The following RAD52 variants were observed in gnomAD, a reference collection of about 807,000 sequenced individuals.
RAD52 encodes the protein RAD52 DNA repair protein, also known as DNA repair protein RAD52 homolog.
RAD52 carries 47 observed loss-of-function variants against 55.5 expected under a neutral mutation model. The ratio of observed to expected loss-of-function variants is 0.85; its 90% CI spans 0.67 to 1.08. The LOEUF is 1.08. Ranked by LOEUF, RAD52 falls within the 50% of genes least tolerant of loss-of-function variation. RAD52 has a pLI of 0.00. For missense variants in RAD52, 468 were observed against 522.8 expected, an observed-to-expected ratio of 0.90 and a Z score of 1.02; for synonymous variants, 184 against 198.9, an observed-to-expected ratio of 0.92 and a Z score of 0.63.
chr12:940,939 A>G (rs1456921987), intron 1 of RAD52, among the ~76,000 whole-genome samples: 2 of 152,172 alleles, frequency 1.3e-5, no homozygotes, highest in Non-Finnish European at 2.9e-5. Context: ...ATACAATTGA[A>G]GTGAAATTGA....
At chr12:931,765 G>A (rs754923710) in intron 2 of RAD52, among the ~76,000 whole-genome samples, 4 of 152,280 alleles carry the variant, frequency 2.6e-5, no homozygotes, top group East Asian at 1.9e-4. Context: ...TGTAAATGAC[G>A]TCAGCACAGG....
chr12:933,383 A>C (rs1957443156), intron 1 of RAD52, among the ~76,000 whole-genome samples: 1 of 151,546 alleles, frequency 6.6e-6, no homozygotes, highest in South Asian at 2.1e-4. Flanking sequence ...GCTTGAACCC[A>C]GGAGGCGGAG....
At chr12:965,257 G>A (rs1271479572) in intron 1 of RAD52, among the ~76,000 whole-genome samples, 6 of 151,992 alleles carry the variant, frequency 3.9e-5, no homozygotes, top group East Asian at 1.9e-4. Context: ...GATTACAGGC[G>A]TGAGCCACTG....
In RAD52 at chr12:912,929, A is replaced by G; in HGVS notation, c.*462T>C. The G allele has an allele frequency of 5.0e-6, 1 of 200,228 alleles. No homozygotes were observed. Among genetic ancestry groups the G allele is most frequent in the Non-Finnish European group, 1.0e-5 (1 of 97,292 alleles). The allele number at this position is 200,228 out of a possible 1,614,324, so 12.4% of individuals were successfully genotyped here. A position where few individuals can be genotyped will look rare whatever the true frequency, so the allele number is the denominator to read the frequency against. ...CTGCTCCAACCTTTTTCCTGTCGTG[A>G]TCCACAGTGCTTAATGTGGGCAACA... On this transcript the variant is annotated 3_prime_UTR_variant, in exon 12 of 12. Coordinates refer to ENST00000358495, the MANE Select transcript of RAD52 (RefSeq NM_134424.4).
Position 929,653 on chromosome 12 carries a change from G to T in RAD52, c.348+166C>A, listed in dbSNP as rs747918253. 46 of 795,982 alleles carry T rather than the reference G, an allele frequency of 5.8e-5. 1 individual carries two copies. Among genetic ancestry groups the T allele is most frequent in the South Asian group, 5.7e-4 (42 of 74,216 alleles). The allele number at this position is 795,982 out of a possible 1,614,324, so 49.3% of individuals were successfully genotyped here. A position where few individuals can be genotyped will look rare whatever the true frequency, so the allele number is the denominator to read the frequency against. The stretch of plus-strand genomic sequence containing the variant: ...AGAGAACAGTTTTTCCATTCTTTTA[G>T]GGAGCACATGAGCAAGAGTATTTGA... On this transcript the variant is annotated intron_variant, in intron 5 of 11. Transcript: ENST00000358495.
At position 961,885 on chromosome 12, in the gene RAD52, G is replaced by A. The variant is rs1047705216; in HGVS notation, c.-19+27924C>T. Among the ~76,000 whole-genome samples, 8 of 151,914 alleles carry A rather than the reference G, an allele frequency of 5.3e-5. No individual in the cohort carries two copies. The East Asian group carries it at 5.8e-4, about 11-fold the overall frequency. ...ATCTAAAAAAGAAAGAAAAAAGAGA[G>A]AGAGAGAGACACTAGAGGGATGTGC... On this transcript the variant is annotated intron_variant, in intron 1 of 11. Coordinates refer to the RAD52 transcript ENST00000430095.
chr12:973,300 ACCTCGTGATCCACCCTCCTGGGCCT>A, intron 1 of RAD52, among the ~76,000 whole-genome samples: 1 of 151,966 alleles, frequency 6.6e-6, no homozygotes, highest in Non-Finnish European at 1.5e-5. Flanking sequence ...CGATCTCCTG[ACCTCGTGATCCACCCTCCTGGGCCT>A]CCCAAAGTGC....
At chr12:953,868 CTG>C (rs1165757297), upstream of RAD52, among the ~76,000 whole-genome samples, 1 of 152,158 alleles carries the variant, frequency 6.6e-6, no homozygotes, top group Non-Finnish European at 1.5e-5. Context: ...CCTTTATAAA[CTG>C]TGTGAGAGCG....
intron 7 of RAD52, among the ~76,000 whole-genome samples, chr12:924,641 G>A (rs1015035987): frequency 1.3e-5 from 2 of 152,182 alleles, no homozygotes; most frequent in East Asian, 3.9e-4. Context: ...TGGCAAGGCA[G>A]TGTGACTCCA....
At chr12:955,404 C>A (rs1228155840) in intron 1 of RAD52, among the ~76,000 whole-genome samples, 1 of 152,006 alleles carries the variant, frequency 6.6e-6, no homozygotes, top group African/African-American at 2.4e-5. Flanking sequence ...TAGTCAATGG[C>A]CATGACCCCA....
chr12:920,763 G>A (rs1166388410), intron 7 of RAD52, among the ~76,000 whole-genome samples: 1 of 152,098 alleles, frequency 6.6e-6, no homozygotes, highest in Non-Finnish European at 1.5e-5. Flanking sequence ...TGAATAAGGC[G>A]ATAGAGTATT....
chr12:957,466 CAAAA>C (rs71055109), intron 1 of RAD52, among the ~76,000 whole-genome samples: 3 of 44,056 alleles, frequency 6.8e-5, no homozygotes, highest in Non-Finnish European at 8.1e-5. Context: ...AACTTCGTCT[CAAAA>C]AAAAAAAAAA....
intron 1 of RAD52, 111 bp from the exon 2 acceptor site, chr12:933,187 A>C: frequency 1.4e-6 from 1 of 717,764 alleles, no homozygotes; most frequent in Non-Finnish European, 2.3e-6. Flanking sequence ...GGCCAGGCAC[A>C]GTGGCTCATG....
chr12:942,477 G>A (rs982161025), intron 1 of RAD52, among the ~76,000 whole-genome samples: 6 of 152,144 alleles, frequency 3.9e-5, no homozygotes, highest in South Asian at 2.1e-4. Flanking sequence ...GGCCGGGCAC[G>A]GTGGCTCACG....
At chr12:915,213 G>A (rs750698135) in intron 9 of RAD52, among the ~76,000 whole-genome samples, 3 of 152,204 alleles carry the variant, frequency 2.0e-5, no homozygotes, top group Non-Finnish European at 4.4e-5. Context: ...CGGGTTGTCT[G>A]CCAAGGGGCA....
chr12:978,019 C>G (rs1477398334), intron 1 of RAD52, among the ~76,000 whole-genome samples: 3 of 152,150 alleles, frequency 2.0e-5, no homozygotes. Context: ...ATGACAGTGA[C>G]ATTGACACTG....
At chr12:923,442 T>C (rs1592343258) in intron 7 of RAD52, among the ~76,000 whole-genome samples, 1 of 152,162 alleles carries the variant, frequency 6.6e-6, no homozygotes, top group African/African-American at 2.4e-5. Flanking sequence ...CCCAGCCACC[T>C]GAGAGGCTGA....
At chr12:939,562 T>C (rs925804432) in intron 1 of RAD52, among the ~76,000 whole-genome samples, 1 of 152,062 alleles carries the variant, frequency 6.6e-6, no homozygotes, top group Admixed American at 6.6e-5. Flanking sequence ...CAAACACATG[T>C]CCAAAAACTA....
At chr12:946,377 G>T (rs2154118839) in intron 1 of RAD52, among the ~76,000 whole-genome samples, 1 of 152,260 alleles carries the variant, frequency 6.6e-6, no homozygotes, top group South Asian at 2.1e-4. Context: ...AAGCCATCAT[G>T]AACACTGAAC....
Sources: allele counts gnomAD v4.1 joint callset (sites outside exome capture counted in the v4.1 genomes callset), GRCh38; gene constraint gnomAD v4.1.1; transcripts MANE v1.5; gene names NCBI Gene and HGNC (gene_info 2026-07-23, HGNC 2026-07-21).